EPC2: variants seen among roughly 807,000 people sequenced by gnomAD.
The protein encoded by EPC2 is enhancer of polycomb 2.
A neutral mutation model predicts 92.1 loss-of-function variants in EPC2; 14 were observed. The ratio of observed to expected loss-of-function variants is 0.15; its 90% CI spans 0.10 to 0.24. EPC2 has a LOEUF of 0.24. Among genes scored for constraint, EPC2 ranks in the 10% least tolerant of loss-of-function variants. The pLI is 1.00. For synonymous variants in EPC2, 340 were observed against 334.7 expected (o/e 1.02, Z -0.17); for missense variants, 755 against 971.5 (o/e 0.78, Z 2.96).
At chr2:148,755,995 C>T (rs562098665) in intron 4 of EPC2, among the ~76,000 whole-genome samples, 2 of 152,150 alleles carry the variant, frequency 1.3e-5, no homozygotes, top group African/African-American at 4.8e-5. Flanking sequence ...AATTATTGGA[C>T]TTCCTTTAGT....
At chr2:148,649,710 C>CA in intron 1 of EPC2, among the ~76,000 whole-genome samples, 1 of 152,308 alleles carries the variant, frequency 6.6e-6, no homozygotes, top group East Asian at 1.9e-4. Flanking sequence ...AGACCCTTGA[C>CA]ATTGGTGTCA....
chr2:148,776,137 G>GAA (rs10693577), intron 10 of EPC2, among the ~76,000 whole-genome samples: 1 of 152,024 alleles, frequency 6.6e-6, no homozygotes, highest in Non-Finnish European at 1.5e-5. Context: ...AGAAATTCCT[G>GAA]TTTTAATTTC....
At chr2:148,735,534 A>G (rs1360451977) in intron 2 of EPC2, among the ~76,000 whole-genome samples, 1 of 151,970 alleles carries the variant, frequency 6.6e-6, no homozygotes, top group African/African-American at 2.4e-5. Context: ...CTTTTATGGA[A>G]AAATTTTAAC....
At chr2:148,748,726 G>T (rs905180997) in intron 3 of EPC2, among the ~76,000 whole-genome samples, 1 of 151,764 alleles carries the variant, frequency 6.6e-6, no homozygotes, top group African/African-American at 2.4e-5. Flanking sequence ...TTTTGTGAAT[G>T]AAACAAAGTT....
chr2:148,695,446 G>T (rs1681726362), intron 2 of EPC2, among the ~76,000 whole-genome samples: 1 of 152,196 alleles, frequency 6.6e-6, no homozygotes, highest in Admixed American at 6.5e-5. Context: ...AAAGCTGACT[G>T]TTGTCAAGTC....
chr2:148,743,951 G>T (rs1175571966), intron 3 of EPC2, among the ~76,000 whole-genome samples, 184 bp downstream of exon 3: 2 of 152,070 alleles, frequency 1.3e-5, no homozygotes, highest in Admixed American at 6.5e-5. Flanking sequence ...AGAGTATGAA[G>T]AGTACTGTTC....
At chr2:148,703,304 C>G (rs1052999566) in intron 2 of EPC2, among the ~76,000 whole-genome samples, 4 of 151,966 alleles carry the variant, frequency 2.6e-5, no homozygotes, top group Non-Finnish European at 4.4e-5. Context: ...CCATTTCTGT[C>G]AGTTTATTAG....
intron 1 of EPC2, among the ~76,000 whole-genome samples, chr2:148,689,837 A>C (rs1283547787): frequency 6.6e-6 from 1 of 152,220 alleles, no homozygotes; most frequent in African/African-American, 2.4e-5. Flanking sequence ...AGATACTTAA[A>C]ATCTGTGATA....
intron 2 of EPC2, among the ~76,000 whole-genome samples, chr2:148,711,737 A>G (rs1307618122): frequency 1.3e-5 from 2 of 152,082 alleles, no homozygotes; most frequent in East Asian, 1.9e-4. Flanking sequence ...AGTTATATCA[A>G]TTTTTGCCTC....
chr2:148,650,438 C>T (rs952552064), intron 1 of EPC2, among the ~76,000 whole-genome samples: 9 of 152,046 alleles, frequency 5.9e-5, no homozygotes, highest in African/African-American at 2.2e-4. Flanking sequence ...TTTCACACGC[C>T]GATATGGTTG....
At chr2:148,667,192 T>C (rs1165739726) in intron 1 of EPC2, among the ~76,000 whole-genome samples, 1 of 152,240 alleles carries the variant, frequency 6.6e-6, no homozygotes, top group African/African-American at 2.4e-5. Flanking sequence ...GAAGCCTGTC[T>C]TGCTGTTCCG....
chr2:148,724,660 A>G (rs1319941339), intron 2 of EPC2, among the ~76,000 whole-genome samples: 8 of 152,114 alleles, frequency 5.3e-5, no homozygotes, highest in African/African-American at 1.9e-4. Context: ...ATATAAAGTC[A>G]TTTTTTATCT....
intron 3 of EPC2, among the ~76,000 whole-genome samples, chr2:148,746,822 T>TAC (rs34536465): frequency 0.15 from 22,829 of 151,392 alleles, 2,495 homozygotes; most frequent in East Asian, 0.45. Context: ...AAAAATTGTA[T>TAC]ACACACACAC....
chr2:148,755,267 A>T (rs1003583970), intron 4 of EPC2, among the ~76,000 whole-genome samples: 1 of 152,170 alleles, frequency 6.6e-6, no homozygotes, highest in African/African-American at 2.4e-5. Context: ...ACAATATTTT[A>T]TGAAGATTTG....
chr2:148,771,271 T>C lies in EPC2; in HGVS notation c.1604T>C (p.Leu535Ser), dbSNP rs774350069. 6.2e-7 allele frequency: 1 copy of C among 1,613,988 alleles called. No homozygotes were observed. The highest frequency in any genetic ancestry group is 1.1e-5 in the South Asian group (1 of 91,080). ...LQCFQPRLLN[L>S]QDSDSEECTS... ...TGTTTCCAGCCAAGGCTACTAAATT[T>C]ACAGGACAGTGATAGTGAAGAATGT... The change falls in exon 10 of 14, where the codon TTA becomes TCA. Residue 535 changes from leucine (L) to serine (S), a missense_variant. By Grantham distance (145) the Leu-to-Ser change is moderately radical (BLOSUM62 -2). Transcript: ENST00000258484.
chr2:148,646,920 G>A (rs891918104), intron 1 of EPC2, among the ~76,000 whole-genome samples: 1 of 152,034 alleles, frequency 6.6e-6, no homozygotes, highest in African/African-American at 2.4e-5. Flanking sequence ...GACCAGCCTG[G>A]CCAGTATGGT....
chr2:148,653,092 A>G (rs1160245399), intron 1 of EPC2, among the ~76,000 whole-genome samples: 1 of 152,190 alleles, frequency 6.6e-6, no homozygotes, highest in Non-Finnish European at 1.5e-5. Flanking sequence ...ACAAGACTAA[A>G]TGTCTTGAGG....
At chr2:148,733,267 C>A (rs150578612) in intron 2 of EPC2, among the ~76,000 whole-genome samples, 2 of 151,694 alleles carry the variant, frequency 1.3e-5, no homozygotes, top group Non-Finnish European at 2.9e-5. Flanking sequence ...TCCTTAGTAG[C>A]CTTTGCTGAT....
chr2:148,707,488 A>G (rs193291069), intron 2 of EPC2, among the ~76,000 whole-genome samples: 1 of 152,148 alleles, frequency 6.6e-6, no homozygotes, highest in Non-Finnish European at 1.5e-5. Context: ...CAGCTCTGCA[A>G]CAAGCAGACC....
Sources: allele counts gnomAD v4.1 joint callset (sites outside exome capture counted in the v4.1 genomes callset), GRCh38; gene constraint gnomAD v4.1.1; transcripts MANE v1.5; gene names NCBI Gene and HGNC (gene_info 2026-07-23, HGNC 2026-07-21).